The following SUMF1 variants were observed in gnomAD, a reference collection of about 807,000 sequenced individuals.
SUMF1 encodes sulfatase modifying factor 1.
In SUMF1, 48 loss-of-function variants were observed where a neutral mutation model predicts 47.6. The observed-to-expected ratio is 1.01, with a 90% CI of 0.80 to 1.28. The LOEUF (loss-of-function observed/expected upper bound fraction) is 1.28, where lower values mean the gene tolerates loss of function less well. Ranked by LOEUF, SUMF1 falls within the 50% of genes most tolerant of loss-of-function variation. SUMF1 has a pLI of 0.00. For missense variants in SUMF1, 571 were observed against 485.4 expected (o/e 1.18, Z -1.66); for synonymous variants, 230 against 192.1 (o/e 1.20, Z -1.63).
At chr3:4,272,515 G>A (rs192531323) in intron 8 of SUMF1, among the ~76,000 whole-genome samples, 4 of 152,232 alleles carry the variant, frequency 2.6e-5, no homozygotes, top group Admixed American at 2.0e-4. Context: ...AGTTTCTGAC[G>A]GGGGCTGACA....
Position 4,153,933 on chromosome 3 carries a change from G to A in SUMF1, c.1015-85188C>T, listed in dbSNP as rs114863423. Among the ~76,000 whole-genome samples the A allele has an allele frequency of 3.6e-3, 553 of 151,624 alleles. 7 individuals are homozygous for A. The highest frequency in any genetic ancestry group is 5.7e-3 in the Non-Finnish European group (389 of 68,004). ...AATTGGAGCTTAGGTTAGGACTCCC[G>A]CCTAAGGCATCAGATCTGTTTGCAC... On this transcript the variant is annotated intron_variant and NMD_transcript_variant, in intron 8 of 12. Coordinates refer to the SUMF1 transcript ENST00000448413.
At chr3:4,435,169 C>T (rs1336180118) in intron 3 of SUMF1, among the ~76,000 whole-genome samples, 3 of 152,118 alleles carry the variant, frequency 2.0e-5, no homozygotes, top group South Asian at 2.1e-4. Flanking sequence ...TCAGGTGATC[C>T]GCCCACCTCG....
chr3:4,303,091 T>C (rs1008864096), intron 8 of SUMF1, among the ~76,000 whole-genome samples: 17 of 152,232 alleles, frequency 1.1e-4, no homozygotes, highest in African/African-American at 4.1e-4. Flanking sequence ...TGACCTCACC[T>C]CGAAAGCCCC....
chr3:4,409,744 G>A lies in SUMF1; in HGVS notation c.954+1121C>T, dbSNP rs541583045. Among the ~76,000 whole-genome samples the A allele has an allele frequency of 1.1e-4, 17 of 152,244 alleles. No homozygotes were observed. The South Asian group carries it at 3.1e-3, about 28-fold the overall frequency. On this transcript the variant is annotated intron_variant, in intron 7 of 8. Coordinates refer to ENST00000272902, the MANE Select transcript of SUMF1 (RefSeq NM_182760.4). Reference sequence around the variant, plus strand: ...GTAAAAGAAACTGAGGAGGGATGACGGCTTCTAAAGAACTCAGCTTTTTTA... The same window carrying A: ...GTAAAAGAAACTGAGGAGGGATGACAGCTTCTAAAGAACTCAGCTTTTTTA...
intron 9 of SUMF1, among the ~76,000 whole-genome samples, chr3:4,063,915 C>G (rs766429478): frequency 1.3e-5 from 2 of 152,036 alleles, no homozygotes; most frequent in Non-Finnish European, 2.9e-5. Flanking sequence ...ATAATAACAC[C>G]TTAAATCAGT....
At chr3:4,152,259 G>A (rs1694353147) in intron 8 of SUMF1, among the ~76,000 whole-genome samples, 1 of 151,438 alleles carries the variant, frequency 6.6e-6, no homozygotes, top group South Asian at 2.1e-4. Flanking sequence ...TCACTTTCTG[G>A]ACAGTCTAGA....
intron 8 of SUMF1, among the ~76,000 whole-genome samples, chr3:4,300,916 T>C (rs141769600): frequency 6.6e-6 from 1 of 152,110 alleles, no homozygotes; most frequent in Non-Finnish European, 1.5e-5. Context: ...CCTTCTCTTT[T>C]GGCCCTACAT....
intron 8 of SUMF1, among the ~76,000 whole-genome samples, chr3:4,198,316 A>G (rs571964208): frequency 9.2e-5 from 14 of 152,226 alleles, no homozygotes; most frequent in African/African-American, 2.9e-4. Context: ...TAAGTGTGTG[A>G]CACCAGAAGG....
intron 8 of SUMF1, among the ~76,000 whole-genome samples, chr3:4,337,217 CCTTCCTTCCTTCCTTA>C (rs1489560844): frequency 1.1e-4 from 4 of 35,568 alleles, no homozygotes; most frequent in African/African-American, 4.6e-4. Flanking sequence ...CTCCTTTCTT[CCTTCCTTCCTTCCTTA>C]CTTCCTTCCC....
At chr3:4,319,308 A>T (rs1362290836) in intron 8 of SUMF1, among the ~76,000 whole-genome samples, 1 of 152,098 alleles carries the variant, frequency 6.6e-6, no homozygotes, top group Non-Finnish European at 1.5e-5. Flanking sequence ...AATGTCAATC[A>T]CTGAGACAAT....
At chr3:4,268,893 T>C (rs1697251239) in intron 8 of SUMF1, among the ~76,000 whole-genome samples, 1 of 152,094 alleles carries the variant, frequency 6.6e-6, no homozygotes, top group African/African-American at 2.4e-5. Context: ...TGTGTGTGCG[T>C]GTGTGTATAT....
intron 8 of SUMF1, among the ~76,000 whole-genome samples, chr3:4,368,144 AAAAC>A (rs1479166905): frequency 2.6e-5 from 4 of 152,244 alleles, no homozygotes; most frequent in African/African-American, 4.8e-5. Flanking sequence ...TTACAAGAAA[AAAAC>A]AAACAACCCC....
intron 8 of SUMF1, among the ~76,000 whole-genome samples, chr3:4,075,854 G>C (rs1692420786): frequency 6.6e-6 from 1 of 152,054 alleles, no homozygotes; most frequent in Non-Finnish European, 1.5e-5. Context: ...CAAACAAATG[G>C]AAAAACATTC....
chr3:4,303,681 C>G, intron 8 of SUMF1: 1 of 1,497,188 alleles, frequency 6.7e-7, no homozygotes. Context: ...CATGCCCCGG[C>G]CTGGGCCTTT....
At chr3:4,354,545 G>A (rs766985928) in intron 8 of SUMF1, among the ~76,000 whole-genome samples, 3 of 152,218 alleles carry the variant, frequency 2.0e-5, no homozygotes, top group Admixed American at 6.5e-5. Flanking sequence ...TGAGAACTTC[G>A]TGGGACAGAC....
At chr3:4,039,867 T>C (rs2125016679) in intron 9 of SUMF1, among the ~76,000 whole-genome samples, 1 of 151,996 alleles carries the variant, frequency 6.6e-6, no homozygotes, top group South Asian at 2.1e-4. Flanking sequence ...CAAAAAAAAT[T>C]TTCAAATTCA....
intron 8 of SUMF1, among the ~76,000 whole-genome samples, chr3:4,249,685 G>A (rs778402535): frequency 2.0e-5 from 3 of 152,084 alleles, no homozygotes; most frequent in African/African-American, 4.8e-5. Flanking sequence ...TGGCCTCTAA[G>A]TTTTTAAGTA....
chr3:4,269,366 C>T (rs929312836), intron 8 of SUMF1, among the ~76,000 whole-genome samples: 2 of 152,128 alleles, frequency 1.3e-5, no homozygotes, highest in African/African-American at 2.4e-5. Context: ...GAAATGTTTG[C>T]GCTTCATAAT....
chr3:4,175,707 AG>A (rs1372879455), intron 8 of SUMF1, among the ~76,000 whole-genome samples: 1 of 152,196 alleles, frequency 6.6e-6, no homozygotes, highest in East Asian at 1.9e-4. Flanking sequence ...TGACAGAAGT[AG>A]GCTTCAGAAG....
Sources: gnomAD v4.1 joint callset for allele counts (sites outside exome capture counted in the v4.1 genomes callset) on GRCh38, gnomAD v4.1.1 for gene constraint, MANE v1.5 for transcripts, NCBI Gene and HGNC (gene_info 2026-07-23, HGNC 2026-07-21) for gene names.